The following GON4L variants were observed in gnomAD, a reference collection of about 807,000 sequenced individuals.
GON4L encodes the protein GON-4-like protein.
A neutral mutation model predicts 211.8 loss-of-function variants in GON4L; 87 were observed. The ratio of observed to expected loss-of-function variants is 0.41; its 90% CI spans 0.35 to 0.49. The LOEUF (loss-of-function observed/expected upper bound fraction) is 0.49, where lower values mean the gene tolerates loss of function less well. GON4L is among the 20% of genes least tolerant of loss of function. GON4L has a pLI of 0.15. For synonymous variants in GON4L, 875 were observed against 962.6 expected, an observed-to-expected ratio of 0.91 and a Z score of 1.68; for missense variants, 2,155 against 2,659.5, an observed-to-expected ratio of 0.81 and a Z score of 4.17.
In GON4L at chr1:155,840,028, C is replaced by T. The variant is rs1228687868; in HGVS notation, c.506-13000G>A. ...TCTCCTTCAACCTTTTCATCAGTTG[C>T]TGTAACTTTTTCTCTTCCAGTTCTG... is the stretch of plus-strand genomic sequence containing the variant. On this transcript the variant is annotated intron_variant, in intron 2 of 31. Coordinates refer to ENST00000368331, the MANE Select transcript of GON4L (RefSeq NM_001282860.2). Among the ~76,000 whole-genome samples, 2 of 152,166 alleles carry T rather than the reference C, an allele frequency of 1.3e-5. 1 individual carries two copies. The highest frequency in any genetic ancestry group is 1.3e-4 in the Admixed American group (2 of 15,276).
intron 14 of GON4L, among the ~76,000 whole-genome samples, chr1:155,781,964 C>T (rs545042904): frequency 6.6e-6 from 1 of 152,086 alleles, no homozygotes; most frequent in East Asian, 1.9e-4. Flanking sequence ...ACCATGTTGA[C>T]CAGGCTGGTC....
At chr1:155,847,452 C>A (rs1442996185) in intron 2 of GON4L, among the ~76,000 whole-genome samples, 1 of 152,016 alleles carries the variant, frequency 6.6e-6, no homozygotes, top group Non-Finnish European at 1.5e-5. Flanking sequence ...GCCTGTAATT[C>A]CAGCACTTTA....
At chr1:155,833,539 G>A (rs1253325740) in intron 2 of GON4L, among the ~76,000 whole-genome samples, 4 of 149,934 alleles carry the variant, frequency 2.7e-5, no homozygotes, top group South Asian at 2.1e-4. Context: ...CCAGCTACTC[G>A]GGAGGCTGAG....
chr1:155,747,927 A>T (rs1219539374), downstream of GON4L: 2 of 1,558,556 alleles, frequency 1.3e-6, no homozygotes, highest in South Asian at 2.4e-5. Context: ...TAAACATTCG[A>T]ATCCCATTGG....
chr1:155,832,498 G>A (rs1310971434), intron 2 of GON4L, among the ~76,000 whole-genome samples: 2 of 151,768 alleles, frequency 1.3e-5, no homozygotes, highest in African/African-American at 2.4e-5. Flanking sequence ...AATTAGCCAG[G>A]TGTGGTGGCA....
chr1:155,789,472 A>G (rs1665300614), intron 12 of GON4L, among the ~76,000 whole-genome samples: 1 of 152,072 alleles, frequency 6.6e-6, no homozygotes, highest in Admixed American at 6.6e-5. Flanking sequence ...TCTACTAAAA[A>G]TACAAAAAAA....
chr1:155,749,935 T>C lies in GON4L; in HGVS notation c.*649A>G. On this transcript the variant is annotated 3_prime_UTR_variant, in exon 32 of 32. Coordinates refer to ENST00000368331, the MANE Select transcript of GON4L (RefSeq NM_001282860.2). ...TCTCCCTCCACAGCAGTGGAGAGCA[T>C]CCCAGTGTTTGGGGCACTGTGTTCC... 7.2e-7 allele frequency: 1 copy of C among 1,392,170 alleles called. No homozygotes were observed. Among genetic ancestry groups the C allele is most frequent in the Non-Finnish European group, 9.6e-7 (1 of 1,040,338 alleles). The allele number at this position is 1,392,170 out of a possible 1,614,324, so 86.2% of individuals were successfully genotyped here. A position where few individuals can be genotyped will look rare whatever the true frequency, so the allele number is the denominator to read the frequency against.
downstream of GON4L, chr1:155,748,347 C>T (rs754997199): frequency 2.1e-4 from 324 of 1,530,212 alleles, no homozygotes; most frequent in Non-Finnish European, 1.8e-4. Context: ...TCTGCCTCCA[C>T]ACATTCTTTT....
chr1:155,798,449 G>A (rs1278590153), intron 11 of GON4L, among the ~76,000 whole-genome samples: 3 of 133,266 alleles, frequency 2.3e-5, no homozygotes, highest in East Asian at 2.1e-4. Context: ...TCACTCTGTC[G>A]CCCAGGCTGG....
At chr1:155,821,013 T>A (rs1668682030) in intron 5 of GON4L, among the ~76,000 whole-genome samples, 1 of 152,096 alleles carries the variant, frequency 6.6e-6, no homozygotes, top group South Asian at 2.1e-4. Flanking sequence ...ACGCCTGTAA[T>A]CCCAGCACTT....
rs2102185353 is a variant in GON4L at position 155,813,703 on chromosome 1, A to G, written c.1383T>C (p.Thr461=). Residue 461 remains threonine, a synonymous_variant, in exon 10 of 32, where the codon ACT becomes ACC. Transcript: ENST00000368331. ...CTACCGCATGTAACTTCTCCATGAA[A>G]GTACTATCTCTGGTCTGTTTCGGCT... ...PPKPKQTRDS[T]FMEKLHAVDE... 6.2e-7 allele frequency: 1 copy of G among 1,613,766 alleles called. No individual in the cohort carries two copies. Among genetic ancestry groups the G allele is most frequent in the Non-Finnish European group, 8.5e-7 (1 of 1,179,672 alleles).
chr1:155,829,913 T>C (rs552869385), intron 2 of GON4L, among the ~76,000 whole-genome samples: 91 of 152,118 alleles, frequency 6.0e-4, no homozygotes, highest in African/African-American at 2.1e-3. Context: ...AAAAATGATT[T>C]TGTGGTGCAG....
rs780478442 is a variant in GON4L at position 155,758,970 on chromosome 1, G to A, written c.5110-936C>T. 7.2e-5 allele frequency among the ~76,000 whole-genome samples: 11 copies of A among 152,226 alleles called. No individual in the cohort carries two copies. In the Middle Eastern group the frequency reaches 0.014, roughly 188 times the overall value. On this transcript the variant is annotated intron_variant, in intron 24 of 31. Coordinates refer to ENST00000368331, the MANE Select transcript of GON4L (RefSeq NM_001282860.2). The stretch of plus-strand genomic sequence containing the variant: ...CTCCCAAAGTGCTGGGATTACAGAT[G>A]CCAGCCACTGTGTCTGGCCATTGTC...
intron 3 of GON4L, among the ~76,000 whole-genome samples, chr1:155,826,321 T>C (rs1198622086): frequency 6.6e-6 from 1 of 152,074 alleles, no homozygotes; most frequent in African/African-American, 2.4e-5. Context: ...TCCCAGCACT[T>C]TGTGAAGCCA....
intron 28 of GON4L, 159 bp downstream of exon 28, chr1:155,754,216 T>G: frequency 2.9e-6 from 2 of 691,666 alleles, no homozygotes; most frequent in Middle Eastern, 2.3e-4. Flanking sequence ...TATCACGTAT[T>G]TCTAGCAGAT....
At chr1:155,807,703 CAAAAAAAAAAAAAA>C (rs61248477) in intron 10 of GON4L, among the ~76,000 whole-genome samples, 1 of 52,888 alleles carries the variant, frequency 1.9e-5, no homozygotes, top group Non-Finnish European at 3.0e-5. Flanking sequence ...GACTCCGTCT[CAAAAAAAAAAAAAA>C]AAAAAAAAGA....
rs139881662 is a variant in GON4L, at chr1:155,798,865, C to T, written c.1646-3714G>A. On this transcript the variant is annotated intron_variant, in intron 11 of 31. Transcript: ENST00000368331. ...TGCCCACACCACACAAATGGGTCAGCGAATATTATTCTCAGAGCACTCATT... is the reference window on the plus strand; with the variant it reads ...TGCCCACACCACACAAATGGGTCAGTGAATATTATTCTCAGAGCACTCATT... 4.1e-3 allele frequency among the ~76,000 whole-genome samples: 625 copies of T among 152,028 alleles called. 3 individuals carry two copies. The highest frequency in any genetic ancestry group is 0.013 in the Admixed American group (191 of 15,238).
chr1:155,815,708 G>T (rs2102204052), intron 8 of GON4L, 97 bp downstream of exon 8: 1 of 762,818 alleles, frequency 1.3e-6, no homozygotes, highest in Non-Finnish European at 2.4e-6. Context: ...GCTGAAAAAA[G>T]AACCATGTCT....
At chr1:155,835,191 CAT>C (rs1162107543) in intron 2 of GON4L, among the ~76,000 whole-genome samples, 1 of 152,100 alleles carries the variant, frequency 6.6e-6, no homozygotes, top group Non-Finnish European at 1.5e-5. Flanking sequence ...CTCTCTGAAA[CAT>C]GTGCTGTGTC....
Sources: allele counts gnomAD v4.1 joint callset (sites outside exome capture counted in the v4.1 genomes callset), GRCh38; gene constraint gnomAD v4.1.1; transcripts MANE v1.5; gene names NCBI Gene and HGNC (gene_info 2026-07-23, HGNC 2026-07-21).